Variants in SLC9A9 observed in about 807,000 individuals in gnomAD.
SLC9A9 encodes the protein solute carrier family 9 member A9.
A neutral mutation model predicts 77.8 loss-of-function variants in SLC9A9; 62 were observed. That is an observed-to-expected ratio of 0.80 (90% confidence interval 0.65 to 0.98). The LOEUF (loss-of-function observed/expected upper bound fraction) is 0.98, where lower values mean the gene tolerates loss of function less well. Among genes scored for constraint, SLC9A9 ranks in the 50% least tolerant of loss-of-function variants. The pLI, the probability that SLC9A9 is intolerant of heterozygous loss-of-function variation, is 0.00. For missense variants in SLC9A9, 775 were observed against 774.9 expected (o/e 1.00, Z 0.00); for synonymous variants, 320 against 283.5 (o/e 1.13, Z -1.29).
At chr3:143,455,179 C>G (rs192454469) in intron 12 of SLC9A9, among the ~76,000 whole-genome samples, 1 of 152,192 alleles carries the variant, frequency 6.6e-6, no homozygotes, top group East Asian at 1.9e-4. Flanking sequence ...AAATACTATC[C>G]CTATGCCATT....
chr3:143,585,382 C>T (rs1304198547), intron 6 of SLC9A9, among the ~76,000 whole-genome samples: 1 of 152,180 alleles, frequency 6.6e-6, no homozygotes, highest in Non-Finnish European at 1.5e-5. Flanking sequence ...CAGTGGAAGG[C>T]TGATCAAGGA....
At chr3:143,366,709 G>A (rs1173416678) in intron 13 of SLC9A9, among the ~76,000 whole-genome samples, 3 of 152,206 alleles carry the variant, frequency 2.0e-5, no homozygotes, top group African/African-American at 4.8e-5. Flanking sequence ...ATTTGATGAA[G>A]TGTGGTCTAT....
intron 9 of SLC9A9, among the ~76,000 whole-genome samples, chr3:143,505,116 A>G (rs1559944021): frequency 6.6e-6 from 1 of 152,032 alleles, no homozygotes; most frequent in Non-Finnish European, 1.5e-5. Flanking sequence ...TTTGTACCCA[A>G]TTAGTGGAAG....
intron 9 of SLC9A9, among the ~76,000 whole-genome samples, chr3:143,524,995 TAA>T (rs1206955988): frequency 1.3e-5 from 2 of 152,278 alleles, no homozygotes; most frequent in Non-Finnish European, 2.9e-5. Flanking sequence ...AATCATGAGC[TAA>T]AAAAGTCTTT....
intron 9 of SLC9A9, among the ~76,000 whole-genome samples, chr3:143,515,658 G>A (rs116552075): frequency 0.011 from 1,660 of 152,158 alleles, 31 homozygotes; most frequent in African/African-American, 0.037. Context: ...TCTACTGAGA[G>A]ATTATTTTCT....
At chr3:143,600,062 G>T in intron 6 of SLC9A9, among the ~76,000 whole-genome samples, 1 of 151,584 alleles carries the variant, frequency 6.6e-6, no homozygotes, top group East Asian at 1.9e-4. Context: ...TAAGTTCTGG[G>T]ATATATGTGC....
chr3:143,836,872 C>T (rs549947218), intron 1 of SLC9A9, among the ~76,000 whole-genome samples: 5 of 152,184 alleles, frequency 3.3e-5, no homozygotes, highest in East Asian at 3.9e-4. Flanking sequence ...AATATCTTAA[C>T]CTACCAGCCC....
At chr3:143,833,795 C>A (rs997914387) in intron 1 of SLC9A9, among the ~76,000 whole-genome samples, 8 of 152,128 alleles carry the variant, frequency 5.3e-5, no homozygotes, top group African/African-American at 1.9e-4. Flanking sequence ...CTAGTGATAA[C>A]CTTACTAACA....
At chr3:143,589,266 A>G (rs186354630) in intron 6 of SLC9A9, among the ~76,000 whole-genome samples, 1 of 152,308 alleles carries the variant, frequency 6.6e-6, no homozygotes, top group Admixed American at 6.5e-5. Context: ...TATTATTTCC[A>G]TTATAGATAA....
intron 4 of SLC9A9, among the ~76,000 whole-genome samples, chr3:143,779,423 G>A (rs985417468): frequency 3.2e-4 from 49 of 152,218 alleles, no homozygotes; most frequent in African/African-American, 8.2e-4. Context: ...CCAGGCTGGC[G>A]TGAAGTGGCA....
chr3:143,268,539 C>A (rs190732345), intron 15 of SLC9A9, among the ~76,000 whole-genome samples: 1 of 151,932 alleles, frequency 6.6e-6, no homozygotes, highest in Non-Finnish European at 1.5e-5. Flanking sequence ...TGAGACCATC[C>A]TGGGTAAAAT....
intron 5 of SLC9A9, among the ~76,000 whole-genome samples, chr3:143,664,062 G>A (rs755989410): frequency 6.6e-6 from 1 of 152,168 alleles, no homozygotes; most frequent in South Asian, 2.1e-4. Context: ...AGGAAAAAAT[G>A]TTAAGGGCAG....
chr3:143,329,958 G>A (rs1259797546), intron 14 of SLC9A9, among the ~76,000 whole-genome samples: 1 of 152,172 alleles, frequency 6.6e-6, no homozygotes, highest in African/African-American at 2.4e-5. Context: ...AGGAGGGAGG[G>A]TAATTAGGAG....
intron 14 of SLC9A9, among the ~76,000 whole-genome samples, chr3:143,302,244 A>T (rs1442082097): frequency 1.3e-5 from 2 of 152,192 alleles, no homozygotes; most frequent in Non-Finnish European, 2.9e-5. Context: ...TTTCCTCTGG[A>T]TGATTGCCCT....
rs139378240 is a variant in SLC9A9 at position 143,788,099 on chromosome 3, A to T, written c.533+6902T>A. ...AAACAGACACCACAATATATTATAG[A>T]AGAGGTGGTGTAGATCCGGAGAAAA... On this transcript the variant is annotated intron_variant, in intron 4 of 15. Transcript: ENST00000316549. Among the ~76,000 whole-genome samples, 31 of 152,110 alleles carry T rather than the reference A, an allele frequency of 2.0e-4. No homozygotes were observed. In the East Asian group the frequency reaches 6.0e-3, roughly 29 times the overall value.
chr3:143,707,136 G>A (rs9828519), intron 4 of SLC9A9, among the ~76,000 whole-genome samples: 101,283 of 152,002 alleles, frequency 0.67, 34,111 homozygotes, highest in African/African-American at 0.71. Flanking sequence ...CGCTCAAACA[G>A]CTACAACCCC....
chr3:143,615,500 G>C (rs1001528558), intron 6 of SLC9A9, among the ~76,000 whole-genome samples: 2 of 152,122 alleles, frequency 1.3e-5, no homozygotes, highest in African/African-American at 4.8e-5. Flanking sequence ...TGTCTTGTAA[G>C]AGCGCTGGCG....
chr3:143,719,500 C>T (rs1934440252), intron 4 of SLC9A9, among the ~76,000 whole-genome samples: 1 of 151,964 alleles, frequency 6.6e-6, no homozygotes. Flanking sequence ...ATTTAGTTGC[C>T]TTTGCCCCAA....
intron 1 of SLC9A9, among the ~76,000 whole-genome samples, chr3:143,838,410 G>A (rs566024498): frequency 6.6e-6 from 1 of 152,294 alleles, no homozygotes; most frequent in South Asian, 2.1e-4. Context: ...GTGTTCAGGA[G>A]GGAGAGGGTG....
Sources: gnomAD v4.1 joint callset for allele counts (sites outside exome capture counted in the v4.1 genomes callset) on GRCh38, gnomAD v4.1.1 for gene constraint, MANE v1.5 for transcripts, NCBI Gene and HGNC (gene_info 2026-07-23, HGNC 2026-07-21) for gene names.